Variants in MIDEAS observed in about 807,000 individuals in gnomAD.
The protein encoded by MIDEAS is mitotic deacetylase associated SANT domain protein.
MIDEAS carries 26 observed loss-of-function variants against 102.7 expected under a neutral mutation model. The ratio of observed to expected loss-of-function variants is 0.25; its 90% CI spans 0.19 to 0.35. The LOEUF (loss-of-function observed/expected upper bound fraction) is 0.35, where lower values mean the gene tolerates loss of function less well. MIDEAS is among the 10% of genes least tolerant of loss of function. MIDEAS has a pLI of 1.00. For synonymous variants in MIDEAS, 585 were observed against 591.0 expected, an observed-to-expected ratio of 0.99 and a Z score of 0.15; for missense variants, 1,231 against 1,435.6, an observed-to-expected ratio of 0.86 and a Z score of 2.30.
intron 12 of MIDEAS, 77 bp downstream of exon 12, chr14:73,719,228 T>TG: frequency 1.5e-6 from 1 of 645,564 alleles, no homozygotes; most frequent in Non-Finnish European, 2.0e-6. Flanking sequence ...CTCTTCCCCC[T>TG]CCCCTCCACC....
intron 1 of MIDEAS, among the ~76,000 whole-genome samples, chr14:73,769,908 T>G (rs1566607794): frequency 1.5e-5 from 2 of 136,798 alleles, no homozygotes; most frequent in African/African-American, 5.6e-5. Context: ...CTGGGTTTTT[T>G]TTTTTGTTTT....
intron 1 of MIDEAS, among the ~76,000 whole-genome samples, chr14:73,743,455 G>A (rs759400316): frequency 6.6e-6 from 1 of 152,126 alleles, no homozygotes; most frequent in Non-Finnish European, 1.5e-5. Context: ...ATCTAGGCCT[G>A]GACTCTCCAG....
intron 1 of MIDEAS, among the ~76,000 whole-genome samples, chr14:73,748,992 C>G (rs1228482144): frequency 6.6e-6 from 1 of 152,070 alleles, no homozygotes; most frequent in Non-Finnish European, 1.5e-5. Context: ...AACTTCAATA[C>G]TCTACTTTTT....
At chr14:73,768,764 C>T (rs887631193) in intron 1 of MIDEAS, among the ~76,000 whole-genome samples, 1 of 152,096 alleles carries the variant, frequency 6.6e-6, no homozygotes, top group African/African-American at 2.4e-5. Context: ...GAATTACAGG[C>T]GTGAGCCACT....
chr14:73,741,635 A>G (rs1248599066), intron 1 of MIDEAS, among the ~76,000 whole-genome samples: 1 of 151,974 alleles, frequency 6.6e-6, no homozygotes, highest in Non-Finnish European at 1.5e-5. Context: ...TGCCCCTCCC[A>G]GGCTATCGCT....
chr14:73,779,117 TG>T (rs2053721404), intron 1 of MIDEAS, among the ~76,000 whole-genome samples: 1 of 151,878 alleles, frequency 6.6e-6, no homozygotes, highest in Non-Finnish European at 1.5e-5. Context: ...CGGGCATGGT[TG>T]GCGCATGCCT....
At chr14:73,756,295 T>TGTGTGTATGTGTGCGCGCGC (rs55692592) in intron 1 of MIDEAS, among the ~76,000 whole-genome samples, 31 of 127,624 alleles carry the variant, frequency 2.4e-4, no homozygotes, top group African/African-American at 7.8e-4. Flanking sequence ...TGTGTGTGTG[T>TGTGTGTATGTGTGCGCGCGC]GCGCGCGCGC....
At position 73,721,465 on chromosome 14, in the gene MIDEAS, G is replaced by T; in HGVS notation, c.2769C>A (p.Ser923=). 1 of 1,614,046 alleles carries T rather than the reference G, an allele frequency of 6.2e-7. No homozygotes were observed. The highest frequency in any genetic ancestry group is 8.5e-7 in the Non-Finnish European group (1 of 1,180,012). ...TGGGCTCCAGCCTCTCTTCACTTGG[G>T]GACTCTCTTCTGGGAAGAGGCACCC... ...FPRVPLPRRE[S]PSEERLEPKR... Residue 923 remains serine (S), a synonymous_variant, in exon 11 of 13, where the codon TCC becomes TCA. Coordinates refer to ENST00000423556, the MANE Select transcript of MIDEAS (RefSeq NM_001367710.1).
chr14:73,745,728 A>G lies in MIDEAS; in HGVS notation c.-247-5473T>C, dbSNP rs10131666. On this transcript the variant is annotated intron_variant, in intron 1 of 12. Coordinates refer to ENST00000423556, the MANE Select transcript of MIDEAS (RefSeq NM_001367710.1). ...CCCCCACCAACTGGGACTTCACACA[A>G]AGGCCAGTGTACCCCATTTCTGCAA... 4.6e-5 allele frequency among the ~76,000 whole-genome samples: 7 copies of G among 152,034 alleles called. No homozygotes were observed. In the East Asian group the frequency reaches 1.2e-3, roughly 25 times the overall value.
intron 1 of MIDEAS, among the ~76,000 whole-genome samples, chr14:73,743,841 G>C (rs933121254): frequency 6.6e-6 from 1 of 151,990 alleles, no homozygotes. Context: ...ACGGCAACCC[G>C]CCCTGTCAGT....
chr14:73,753,611 G>A (rs189424575), intron 1 of MIDEAS, among the ~76,000 whole-genome samples: 3 of 152,298 alleles, frequency 2.0e-5, no homozygotes, highest in East Asian at 3.9e-4. Context: ...CTCAGACATC[G>A]TTATCAGTCT....
intron 1 of MIDEAS, among the ~76,000 whole-genome samples, chr14:73,744,606 C>T (rs1268728257): frequency 6.6e-6 from 1 of 152,186 alleles, no homozygotes; most frequent in Non-Finnish European, 1.5e-5. Flanking sequence ...ACTGAGTCTC[C>T]AGGCGAGTCA....
At chr14:73,722,451 A>G (rs1180224790) in intron 10 of MIDEAS, 1 of 351,450 alleles carries the variant, frequency 2.8e-6, no homozygotes, top group Non-Finnish European at 5.2e-6. Context: ...GGAGATAGGA[A>G]GATGATGCTG....
At chr14:73,776,447 G>A (rs953278905) in intron 1 of MIDEAS, among the ~76,000 whole-genome samples, 1 of 151,578 alleles carries the variant, frequency 6.6e-6, no homozygotes, top group African/African-American at 2.4e-5. Flanking sequence ...ATTTTGGGAG[G>A]CCAGGGTGGG....
At chr14:73,736,603 C>G (rs893202950) in intron 3 of MIDEAS, among the ~76,000 whole-genome samples, 32 of 149,380 alleles carry the variant, frequency 2.1e-4, no homozygotes, top group Non-Finnish European at 3.1e-4. Context: ...TACACTCCAG[C>G]CTGGGTGACA....
At chr14:73,756,983 T>C (rs555904534) in intron 1 of MIDEAS, among the ~76,000 whole-genome samples, 1 of 152,094 alleles carries the variant, frequency 6.6e-6, no homozygotes, top group South Asian at 2.1e-4. Flanking sequence ...TCAACTAACA[T>C]GCACTAAGAC....
chr14:73,777,890 C>G (rs2053705906), intron 1 of MIDEAS, among the ~76,000 whole-genome samples: 1 of 151,938 alleles, frequency 6.6e-6, no homozygotes, highest in African/African-American at 2.4e-5. Context: ...CTGCTCTTGA[C>G]TTTTGTAGAT....
At chr14:73,732,644 G>A (rs7152010) in intron 3 of MIDEAS, among the ~76,000 whole-genome samples, 3,354 of 151,548 alleles carry the variant, frequency 0.022, 106 homozygotes, top group African/African-American at 0.075. Flanking sequence ...AAATTGGCTG[G>A]GCATGGTGGT....
intron 1 of MIDEAS, among the ~76,000 whole-genome samples, chr14:73,748,789 C>T (rs982400009): frequency 4.9e-5 from 7 of 141,606 alleles, no homozygotes; most frequent in African/African-American, 7.8e-5. Flanking sequence ...AAAAAAAAAT[C>T]AGACAAAATA....
Sources: allele counts gnomAD v4.1 joint callset (sites outside exome capture counted in the v4.1 genomes callset), GRCh38; gene constraint gnomAD v4.1.1; transcripts MANE v1.5; gene names NCBI Gene and HGNC (gene_info 2026-07-23, HGNC 2026-07-21).